Variants in PLEKHB2 observed in about 807,000 individuals in gnomAD.
PLEKHB2 encodes pleckstrin homology domain-containing family B member 2.
Under a neutral mutation model 36.5 loss-of-function variants are expected in PLEKHB2, and 31 were observed. That is an observed-to-expected ratio of 0.85 (90% CI 0.64 to 1.15). PLEKHB2 has a LOEUF of 1.15. PLEKHB2 is among the 50% of genes most tolerant of loss of function. The pLI is 0.00. For synonymous variants in PLEKHB2, 119 were observed against 112.0 expected (o/e 1.06, Z -0.39); for missense variants, 262 against 295.3 (o/e 0.89, Z 0.83).
At chr2:131,109,345 T>C (rs1695050203) in intron 1 of PLEKHB2, among the ~76,000 whole-genome samples, 1 of 152,196 alleles carries the variant, frequency 6.6e-6, no homozygotes, top group South Asian at 2.1e-4. Flanking sequence ...ATAATTCAGG[T>C]TATTGTTTAC....
In PLEKHB2 at chr2:131,147,768, A is replaced by C. The variant is rs1255357256; in HGVS notation, c.*995A>C. 1.3e-5 allele frequency: 2 copies of C among 150,360 alleles called. No individual in the cohort carries two copies. Among genetic ancestry groups the C allele is most frequent in the Admixed American group, 1.3e-4 (2 of 15,070 alleles). 9.3% of individuals were successfully genotyped at this position (150,360 alleles called of 1,614,324 possible). ...AGCCAAGATAGTGCCACTGCACTTCAGCCTGGGTGACAGAGTGAGACTCTG... is the reference window on the plus strand; with the variant it reads ...AGCCAAGATAGTGCCACTGCACTTCCGCCTGGGTGACAGAGTGAGACTCTG... On this transcript the variant is annotated 3_prime_UTR_variant, in exon 8 of 8. Coordinates refer to ENST00000693505, the MANE Select transcript of PLEKHB2 (RefSeq NM_001100623.2).
intron 2 of PLEKHB2, 106 bp from the exon 3 acceptor site, chr2:131,125,647 G>A (rs1697011590): frequency 5.6e-6 from 5 of 892,322 alleles, no homozygotes; most frequent in East Asian, 5.3e-5. Flanking sequence ...CAAGGCTGCA[G>A]TGACCTATGA....
chr2:131,119,631 A>G (rs374027808), intron 1 of PLEKHB2, among the ~76,000 whole-genome samples: 9 of 152,346 alleles, frequency 5.9e-5, no homozygotes, highest in East Asian at 3.9e-4. Context: ...GGCAAAGTAT[A>G]TGAACTATTA....
At chr2:131,126,857 G>A in intron 4 of PLEKHB2, 71 bp downstream of exon 4, 1 of 880,480 alleles carries the variant, frequency 1.1e-6, no homozygotes, top group Non-Finnish European at 1.9e-6. Flanking sequence ...ACCAAAAAAT[G>A]AAAAGAAAGG....
At position 131,123,766 on chromosome 2, in the gene PLEKHB2, ACCCCCC is replaced by A. The variant is rs796669454; in HGVS notation, c.38-1984_38-1979del. Among the ~76,000 whole-genome samples, 97 of 11,534 alleles carry A rather than the reference ACCCCCC, an allele frequency of 8.4e-3. 1 individual carries two copies. The highest frequency in any genetic ancestry group is 0.027 in the African/African-American group (84 of 3,112). 7.6% of individuals were successfully genotyped at this position (11,534 alleles called of 152,430 possible). A position where few individuals can be genotyped will look rare whatever the true frequency, so the allele number is the denominator to read the frequency against. On this transcript the variant is annotated intron_variant, in intron 2 of 7. Transcript: ENST00000693505. ...TCTTGAACTTCTGACCTCCTGGTCCACCCCCCCCACCCCCCCCCCCGCCCCCCGCCC... is the reference window on the plus strand; with the variant it reads ...TCTTGAACTTCTGACCTCCTGGTCCACCACCCCCCCCCCCGCCCCCCGCCC...
intron 7 of PLEKHB2, among the ~76,000 whole-genome samples, chr2:131,146,210 T>C (rs544754765): frequency 1.7e-4 from 26 of 152,230 alleles, no homozygotes; most frequent in African/African-American, 4.6e-4. Context: ...ATGTGCAGAT[T>C]TAAGGCTTAA....
chr2:131,140,218 G>A lies in PLEKHB2; in HGVS notation c.475G>A (p.Val159Ile). 1 of 1,613,966 alleles carries A rather than the reference G, an allele frequency of 6.2e-7. No homozygotes were observed. The highest frequency in any genetic ancestry group is 8.5e-7 in the Non-Finnish European group (1 of 1,179,846). Reference sequence around the variant, plus strand: ...TGGTGCGTACCCGCCAGGAACTCAAGTTGTCTACGCTGCGAATGGGCAGGC... The same window carrying A: ...TGGTGCGTACCCGCCAGGAACTCAAATTGTCTACGCTGCGAATGGGCAGGC... ...YGGAYPPGTQVVYAANGQAYA... is the reference protein window; with the variant it reads ...YGGAYPPGTQIVYAANGQAYA... The change falls in exon 7 of 8, where the codon GTT (valine) becomes ATT (isoleucine). Residue 159 changes from valine (V) to isoleucine (I), a missense_variant. Coordinates refer to ENST00000693505, the MANE Select transcript of PLEKHB2 (RefSeq NM_001100623.2).
intron 6 of PLEKHB2, among the ~76,000 whole-genome samples, chr2:131,139,292 T>C (rs1698552283): frequency 6.6e-6 from 1 of 152,136 alleles, no homozygotes; most frequent in South Asian, 2.1e-4. Context: ...TTCTCTCTCT[T>C]CAGTCTTCTT....
intron 6 of PLEKHB2, 68 bp downstream of exon 6, chr2:131,133,059 G>A (rs770578662): frequency 6.9e-6 from 7 of 1,011,802 alleles, no homozygotes; most frequent in Non-Finnish European, 1.1e-5. Context: ...GCTTTGTTTT[G>A]TTTTTTTAAA....
chr2:131,129,645 C>G (rs112239367), intron 4 of PLEKHB2, among the ~76,000 whole-genome samples: 3,276 of 95,262 alleles, frequency 0.034, 121 homozygotes, highest in African/African-American at 0.084. Context: ...GCTGAAATTA[C>G]AGGCATGTGC....
rs942157429 is a variant in PLEKHB2, at chr2:131,125,970, TC to T, written c.190+67del. 3.8e-5 allele frequency: 56 copies of T among 1,456,258 alleles called. No homozygotes were observed. The African/African-American group carries it at 6.3e-4, about 16-fold the overall frequency. The allele number at this position is 1,456,258 out of a possible 1,614,324, so 90.2% of individuals were successfully genotyped here. A position where few individuals can be genotyped will look rare whatever the true frequency, so the allele number is the denominator to read the frequency against. On this transcript the variant is annotated intron_variant, in intron 3 of 7. Transcript: ENST00000693505. Reference sequence around the variant, plus strand: ...TTCCTCTGTCTTGCTGGGAGCTTGGTCCTCTTCCTTCCCTGTTCTGCTTTCA... The same window carrying T: ...TTCCTCTGTCTTGCTGGGAGCTTGGTCTCTTCCTTCCCTGTTCTGCTTTCA...
chr2:131,113,369 G>A (rs1309022793), intron 1 of PLEKHB2, among the ~76,000 whole-genome samples: 1 of 152,172 alleles, frequency 6.6e-6, no homozygotes, highest in Non-Finnish European at 1.5e-5. Flanking sequence ...CACTGTGCAT[G>A]GGCCTGCTGC....
At chr2:131,124,963 T>G (rs1385023939) in intron 2 of PLEKHB2, among the ~76,000 whole-genome samples, 1 of 151,968 alleles carries the variant, frequency 6.6e-6, no homozygotes, top group Non-Finnish European at 1.5e-5. Context: ...TTTTTTGTAT[T>G]TTTAGAGATG....
chr2:131,112,736 C>T (rs887409057), intron 1 of PLEKHB2, among the ~76,000 whole-genome samples: 1 of 152,054 alleles, frequency 6.6e-6, no homozygotes, highest in Non-Finnish European at 1.5e-5. Context: ...CTTGTAGTAA[C>T]AGTCTTGGTA....
intron 5 of PLEKHB2, 59 bp downstream of exon 5, chr2:131,130,819 C>A (rs1697600090): frequency 1.6e-6 from 2 of 1,262,190 alleles, no homozygotes; most frequent in Non-Finnish European, 2.3e-6. Flanking sequence ...GTGTCACTCT[C>A]ACTCAGGCTT....
chr2:131,128,511 A>T (rs1474792842), intron 4 of PLEKHB2, among the ~76,000 whole-genome samples: 1 of 152,194 alleles, frequency 6.6e-6, no homozygotes, highest in South Asian at 2.1e-4. Context: ...TATCTTGTTC[A>T]TCATCTGCTT....
intron 7 of PLEKHB2, among the ~76,000 whole-genome samples, chr2:131,140,677 C>T (rs1422792930): frequency 6.6e-6 from 1 of 152,212 alleles, no homozygotes; most frequent in African/African-American, 2.4e-5. Flanking sequence ...GAGTACAGGC[C>T]TGGAAGGGCT....
At chr2:131,124,755 A>G (rs1224236631) in intron 2 of PLEKHB2, among the ~76,000 whole-genome samples, 20 of 151,952 alleles carry the variant, frequency 1.3e-4, no homozygotes, top group Non-Finnish European at 2.8e-4. Flanking sequence ...TATCTGTGAA[A>G]ACTCTTAAGG....
At chr2:131,144,053 C>T (rs1197457330) in intron 7 of PLEKHB2, among the ~76,000 whole-genome samples, 1 of 152,160 alleles carries the variant, frequency 6.6e-6, no homozygotes, top group African/African-American at 2.4e-5. Flanking sequence ...GACTTGCTTG[C>T]TGTGGAAGGG....
Sources: gnomAD v4.1 joint callset for allele counts (sites outside exome capture counted in the v4.1 genomes callset) on GRCh38, gnomAD v4.1.1 for gene constraint, MANE v1.5 for transcripts, NCBI Gene and HGNC (gene_info 2026-07-23, HGNC 2026-07-21) for gene names.